Variants in LRIG2 observed in about 807,000 individuals in gnomAD.
LRIG2 encodes the protein leucine rich repeats and immunoglobulin like domains 2.
A neutral mutation model predicts 107.8 loss-of-function variants in LRIG2; 93 were observed. The observed-to-expected ratio is 0.86, with a 90% CI of 0.73 to 1.03. LRIG2 has a LOEUF of 1.03. Among genes scored for constraint, LRIG2 ranks in the 50% least tolerant of loss-of-function variants. The pLI, the probability that LRIG2 is intolerant of heterozygous loss-of-function variation, is 0.00. For synonymous variants in LRIG2, 471 were observed against 470.6 expected (o/e 1.00, Z -0.01); for missense variants, 1,226 against 1,296.0 (o/e 0.95, Z 0.83).
chr1:113,084,867 T>C (rs1451558294), intron 1 of LRIG2, among the ~76,000 whole-genome samples: 6 of 152,250 alleles, frequency 3.9e-5, no homozygotes, highest in African/African-American at 1.2e-4. Context: ...AGCATTCTTA[T>C]ATTTCCTATG....
chr1:113,099,577 G>A (rs1028110915), intron 9 of LRIG2, among the ~76,000 whole-genome samples: 7 of 151,958 alleles, frequency 4.6e-5, no homozygotes, highest in Middle Eastern at 3.4e-3. Flanking sequence ...TGTTGTTGTC[G>A]GGGCACTTTT....
chr1:113,083,192 G>A (rs1481870924), intron 1 of LRIG2, among the ~76,000 whole-genome samples: 1 of 148,444 alleles, frequency 6.7e-6, no homozygotes, highest in East Asian at 2.0e-4. Context: ...TTATAGATAT[G>A]AGGCACCATG....
chr1:113,103,089 A>G (rs923877458), intron 11 of LRIG2: 1 of 152,140 alleles, frequency 6.6e-6, no homozygotes, highest in African/African-American at 2.4e-5. Flanking sequence ...TAAAATTTAA[A>G]CAGTAGGTCA....
rs527914757 is a variant in LRIG2 at position 113,074,837 on chromosome 1, A to G, written c.239+1192A>G. On this transcript the variant is annotated intron_variant, in intron 1 of 17. Coordinates refer to ENST00000361127, the MANE Select transcript of LRIG2 (RefSeq NM_014813.3). The stretch of plus-strand genomic sequence containing the variant: ...GGCAGGAGAATCGCTTGAACCCGGG[A>G]GGTGGAGGTTGCAGTGAGCTGAGAT... 2.3e-4 allele frequency among the ~76,000 whole-genome samples: 31 copies of G among 133,380 alleles called. No homozygotes were observed. In the South Asian group the frequency reaches 7.4e-3, roughly 32 times the overall value. The allele number at this position is 133,380 out of a possible 152,430, so 87.5% of individuals were successfully genotyped here.
Position 113,073,449 on chromosome 1 carries a change from G to C in LRIG2, c.43G>C (p.Gly15Arg). Residue 15 changes from glycine to arginine, a missense_variant, in exon 1 of 18, where the codon GGG (glycine) becomes CGG (arginine). By Grantham distance (125) the Gly-to-Arg change is moderately radical. This residue lies in a region of LRIG2 where 570 missense variants were observed against 550.2 expected (regional missense o/e 1.04). Transcript: ENST00000361127. ...PLGVPEEQLL[G>R]CRSRVLSRLL... is the part of the protein sequence containing the mutation. ...AGGCGTCCCGGAGGAGCAGTTGCTG[G>C]GGTGTCGATCTAGAGTGCTTTCTCG... 6.2e-7 allele frequency: 1 copy of C among 1,614,174 alleles called. No homozygotes were observed. Among genetic ancestry groups the C allele is most frequent in the Non-Finnish European group, 8.5e-7 (1 of 1,180,010 alleles).
intron 11 of LRIG2, among the ~76,000 whole-genome samples, chr1:113,102,344 C>CT (rs1364107958): frequency 6.6e-6 from 1 of 151,860 alleles, no homozygotes; most frequent in Non-Finnish European, 1.5e-5. Flanking sequence ...TCTCAGCTCA[C>CT]TGCAACCTCT....
Position 113,073,533 on chromosome 1 carries a change from T to A in LRIG2, c.127T>A (p.Cys43Ser), listed in dbSNP as rs1557891360. The A allele has an allele frequency of 6.2e-7, 1 of 1,613,924 alleles. No individual in the cohort carries two copies. Among genetic ancestry groups the A allele is most frequent in the African/African-American group, 1.3e-5 (1 of 74,938 alleles). ...GTTGCCCGCCGCCGGAGCAGGTCTC[T>A]GCCCCGCGCCCTGCTCCTGCCGCAT... The part of the protein sequence containing the change: ...LLLPAAGAGL[C>S]PAPCSCRIPL... The change falls in exon 1 of 18, where the codon TGC becomes AGC. Residue 43 changes from cysteine (C) to serine (S), a missense_variant. Physicochemically the swap from Cys to Ser is moderately radical, Grantham distance 112. This residue lies in a region of LRIG2 where 570 missense variants were observed against 550.2 expected (regional missense o/e 1.04). Transcript: ENST00000361127.
chr1:113,087,761 G>A (rs549528412), intron 1 of LRIG2, among the ~76,000 whole-genome samples: 32 of 152,284 alleles, frequency 2.1e-4, no homozygotes, highest in Middle Eastern at 6.8e-3. Context: ...CTGTGTGCAC[G>A]TGTCATTTGA....
At chr1:113,074,381 G>C (rs1047268195) in intron 1 of LRIG2, among the ~76,000 whole-genome samples, 2 of 152,180 alleles carry the variant, frequency 1.3e-5, no homozygotes, top group Admixed American at 1.3e-4. Context: ...AGGTACAACG[G>C]TTGAATGAAT....
intron 1 of LRIG2, among the ~76,000 whole-genome samples, chr1:113,081,903 C>A (rs1653306494): frequency 6.6e-6 from 1 of 152,162 alleles, no homozygotes; most frequent in Non-Finnish European, 1.5e-5. Flanking sequence ...GAAAGATTAT[C>A]TTTTTTAGAC....
At chr1:113,078,726 C>T (rs547129873) in intron 1 of LRIG2, among the ~76,000 whole-genome samples, 1 of 151,640 alleles carries the variant, frequency 6.6e-6, no homozygotes, top group South Asian at 2.1e-4. Context: ...CTGCAACCTC[C>T]ACTTCCCAGG....
intron 8 of LRIG2, among the ~76,000 whole-genome samples, chr1:113,097,351 G>A (rs974960353): frequency 3.3e-5 from 5 of 152,048 alleles, no homozygotes; most frequent in African/African-American, 4.8e-5. Context: ...ATTAGGTTTC[G>A]AGTTGAAATG....
intron 6 of LRIG2, 123 bp downstream of exon 6, chr1:113,094,878 T>C: frequency 1.1e-6 from 1 of 900,384 alleles, no homozygotes; most frequent in Non-Finnish European, 1.6e-6. Flanking sequence ...TGGTCACTGA[T>C]GTGAAGTAAG....
intron 15 of LRIG2, 129 bp from the exon 16 acceptor site, chr1:113,116,158 C>G (rs527255453): frequency 3.4e-5 from 20 of 585,634 alleles, no homozygotes; most frequent in Middle Eastern, 4.7e-4. Flanking sequence ...GTACCAAGAG[C>G]TGTTGCGGTC....
Position 113,130,600 on chromosome 1 carries a change from A to G in LRIG2, c.*6499A>G, listed in dbSNP as rs1372411495. 1 of 152,190 alleles carries G rather than the reference A, an allele frequency of 6.6e-6. No homozygotes were observed. The highest frequency in any genetic ancestry group is 1.5e-5 in the Non-Finnish European group (1 of 68,036). 9.4% of individuals were successfully genotyped at this position (152,190 alleles called of 1,614,324 possible). ...AAATCATCATCTGTTAATAGTGTTT[A>G]AGAGATTTCTTCATTGAGATGGAAT... On this transcript the variant is annotated 3_prime_UTR_variant, in exon 18 of 18. Transcript: ENST00000361127.
At chr1:113,099,037 A>G (rs1654190168) in intron 9 of LRIG2, among the ~76,000 whole-genome samples, 1 of 151,868 alleles carries the variant, frequency 6.6e-6, no homozygotes, top group Admixed American at 6.6e-5. Flanking sequence ...TCCTGGTTCA[A>G]GCAATTCTCC....
At chr1:113,100,679 G>T in intron 11 of LRIG2, 191 bp downstream of exon 11, 1 of 456,908 alleles carries the variant, frequency 2.2e-6, no homozygotes. Flanking sequence ...AAAGCCCAGA[G>T]TGTGTGGCAC....
intron 1 of LRIG2, among the ~76,000 whole-genome samples, chr1:113,087,507 C>A (rs1232892229): frequency 6.6e-6 from 1 of 152,060 alleles, no homozygotes; most frequent in Non-Finnish European, 1.5e-5. Context: ...TGCCACCATG[C>A]CTGGCTAATT....
At chr1:113,116,031 T>C (rs1470483944) in intron 15 of LRIG2, among the ~76,000 whole-genome samples, 1 of 152,162 alleles carries the variant, frequency 6.6e-6, no homozygotes, top group Non-Finnish European at 1.5e-5. Context: ...TCTAGGCAGA[T>C]AGATTATGAA....
Sources: gnomAD v4.1 joint callset for allele counts (sites outside exome capture counted in the v4.1 genomes callset) on GRCh38, gnomAD v4.1.1 for gene constraint, gnomAD v4.1.1 regional missense constraint, MANE v1.5 for transcripts, NCBI Gene and HGNC (gene_info 2026-07-23, HGNC 2026-07-21) for gene names.